FAM210A: variants seen among roughly 807,000 people sequenced by gnomAD.
FAM210A encodes the protein mitochondrial inner membrane scaffold 1.
A neutral mutation model predicts 25.3 loss-of-function variants in FAM210A; 13 were observed. The ratio of observed to expected loss-of-function variants is 0.51; its 90% CI spans 0.33 to 0.82. The LOEUF is 0.82. Among genes scored for constraint, FAM210A ranks in the 40% least tolerant of loss-of-function variants. The pLI is 0.02. For missense variants in FAM210A, 319 were observed against 323.2 expected, an observed-to-expected ratio of 0.99 and a Z score of 0.10; for synonymous variants, 125 against 118.7, an observed-to-expected ratio of 1.05 and a Z score of -0.35.
intron 1 of FAM210A, among the ~76,000 whole-genome samples, chr18:13,700,138 C>G (rs2043727291): frequency 6.6e-6 from 1 of 152,206 alleles, no homozygotes; most frequent in African/African-American, 2.4e-5. Context: ...CACAAGACTA[C>G]TCCTACTCCC....
intron 1 of FAM210A, among the ~76,000 whole-genome samples, chr18:13,716,638 G>A (rs2043864029): frequency 6.6e-6 from 1 of 152,122 alleles, no homozygotes. Flanking sequence ...GGACCTGGTG[G>A]GAGTAATTGG....
Position 13,681,597 on chromosome 18 carries a change from A to G in FAM210A, c.473+8T>C. The G allele has an allele frequency of 6.3e-7, 1 of 1,576,094 alleles. No homozygotes were observed. On this transcript the variant is annotated splice_region_variant and intron_variant, in intron 2 of 3. Transcript: ENST00000651643. ...CAGGGAAAGACATTCAACTAAGCAAAAACTTACTTCAAGGCTGCATAATAA... is the reference window on the plus strand; with the variant it reads ...CAGGGAAAGACATTCAACTAAGCAAGAACTTACTTCAAGGCTGCATAATAA...
intron 3 of FAM210A, among the ~76,000 whole-genome samples, chr18:13,668,284 C>T (rs922807988): frequency 7.9e-5 from 12 of 152,220 alleles, no homozygotes; most frequent in African/African-American, 2.9e-4. Flanking sequence ...ACAGCTTTCA[C>T]CTTCCCTTCA....
At chr18:13,687,859 C>A (rs755920904) in intron 1 of FAM210A, 1 of 152,172 alleles carries the variant, frequency 6.6e-6, no homozygotes, top group Non-Finnish European at 1.5e-5. Context: ...TTCTTCCTTA[C>A]GCCCATCAGT....
chr18:13,684,972 C>G (rs1370249149), intron 1 of FAM210A, among the ~76,000 whole-genome samples: 1 of 152,106 alleles, frequency 6.6e-6, no homozygotes, highest in Non-Finnish European at 1.5e-5. Flanking sequence ...AATCTTCAAA[C>G]TTCTAAAAAG....
intron 1 of FAM210A, among the ~76,000 whole-genome samples, chr18:13,694,141 T>C (rs1287671085): frequency 6.6e-6 from 1 of 152,134 alleles, no homozygotes; most frequent in Non-Finnish European, 1.5e-5. Context: ...TCAAAGAGAA[T>C]AAAATACCTA....
At chr18:13,668,894 G>A (rs1023808124) in intron 3 of FAM210A, among the ~76,000 whole-genome samples, 2 of 152,172 alleles carry the variant, frequency 1.3e-5, no homozygotes, top group Non-Finnish European at 2.9e-5. Context: ...ATGGTTAACC[G>A]AAATGCTGTT....
At chr18:13,676,995 A>G (rs1043378780) in intron 2 of FAM210A, among the ~76,000 whole-genome samples, 1 of 151,960 alleles carries the variant, frequency 6.6e-6, no homozygotes, top group African/African-American at 2.4e-5. Flanking sequence ...GAAGGGCTCT[A>G]TTTGGCTGGG....
chr18:13,680,030 C>A (rs550252710), intron 2 of FAM210A, among the ~76,000 whole-genome samples: 1 of 152,296 alleles, frequency 6.6e-6, no homozygotes, highest in South Asian at 2.1e-4. Flanking sequence ...CCCTCTAAGG[C>A]CAGCCAGGAG....
intron 1 of FAM210A, among the ~76,000 whole-genome samples, chr18:13,701,992 C>T (rs1042583768): frequency 6.6e-6 from 1 of 152,200 alleles, no homozygotes. Flanking sequence ...TAATTTGGCG[C>T]CCCCATGCAG....
chr18:13,685,116 G>A (rs1338544061), intron 1 of FAM210A, among the ~76,000 whole-genome samples: 1 of 152,086 alleles, frequency 6.6e-6, no homozygotes, highest in Non-Finnish European at 1.5e-5. Flanking sequence ...AGGGGTCTGG[G>A]GAGTCACACC....
At chr18:13,697,681 C>CAA (rs58039903) in intron 1 of FAM210A, 36,069 of 72,952 alleles carry the variant, frequency 0.49, 9,956 homozygotes, top group East Asian at 0.58. Context: ...GACTCTGTCT[C>CAA]AAAAAAAAAA....
intron 2 of FAM210A, among the ~76,000 whole-genome samples, chr18:13,680,388 G>T (rs2149056181): frequency 6.6e-6 from 1 of 152,172 alleles, no homozygotes; most frequent in Non-Finnish European, 1.5e-5. Flanking sequence ...TTAAAGAAAA[G>T]GATATGCAAT....
At chr18:13,697,252 C>A (rs766271207) in intron 1 of FAM210A, among the ~76,000 whole-genome samples, 2,703 of 152,096 alleles carry the variant, frequency 0.018, 28 homozygotes, top group Middle Eastern at 0.061. Context: ...GAAAACAACC[C>A]ATTTACAAAA....
chr18:13,666,486 C>T lies in FAM210A; in HGVS notation c.813G>A (p.Val271=). 1 of 1,613,036 alleles carries T rather than the reference C, an allele frequency of 6.2e-7. No individual in the cohort carries two copies. Among genetic ancestry groups the T allele is most frequent in the Non-Finnish European group, 8.5e-7 (1 of 1,179,364 alleles). ...TACTGCTATATAAGGCACCTTATTC[C>T]ACTTTTTTCTTAAAGGAAACTTTTT... ...TKEKVSFKKK[V]E is the part of the protein sequence containing the mutation. Residue 271 remains valine (V), a synonymous_variant, in exon 4 of 4, where the codon GTG becomes GTA. Coordinates refer to ENST00000651643, the MANE Select transcript of FAM210A (RefSeq NM_152352.4).
intron 1 of FAM210A, among the ~76,000 whole-genome samples, chr18:13,709,607 C>A (rs2043806514): frequency 2.0e-5 from 3 of 152,154 alleles, no homozygotes; most frequent in African/African-American, 7.2e-5. Flanking sequence ...TTTTCCTACA[C>A]CACTTATCTT....
chr18:13,721,224 T>C (rs1165685283), intron 1 of FAM210A, among the ~76,000 whole-genome samples: 3 of 152,180 alleles, frequency 2.0e-5, no homozygotes, highest in African/African-American at 7.2e-5. Flanking sequence ...TTTTTGGCTT[T>C]GTTAGTTGAA....
intron 1 of FAM210A, among the ~76,000 whole-genome samples, chr18:13,700,874 G>A (rs988863498): frequency 2.0e-5 from 3 of 152,080 alleles, no homozygotes; most frequent in African/African-American, 4.8e-5. Context: ...CTAAGTGTTC[G>A]AATAAGGCAA....
chr18:13,683,773 C>T (rs1315316323), intron 1 of FAM210A, among the ~76,000 whole-genome samples: 11 of 152,224 alleles, frequency 7.2e-5, no homozygotes, highest in African/African-American at 2.6e-4. Context: ...AGAACAGACA[C>T]TTTAACTATA....
Sources: gnomAD v4.1 joint callset for allele counts (sites outside exome capture counted in the v4.1 genomes callset) on GRCh38, gnomAD v4.1.1 for gene constraint, MANE v1.5 for transcripts, NCBI Gene and HGNC (gene_info 2026-07-23, HGNC 2026-07-21) for gene names.